Variants in MAGI2 observed in about 807,000 individuals in gnomAD.
MAGI2 encodes the protein membrane associated guanylate kinase, WW and PDZ domain containing 2, also known as membrane-associated guanylate kinase, WW and PDZ domain-containing protein 2.
A neutral mutation model predicts 133.3 loss-of-function variants in MAGI2; 35 were observed. The observed-to-expected ratio is 0.26, with a 90% confidence interval of 0.20 to 0.35. The LOEUF (loss-of-function observed/expected upper bound fraction) is 0.35. MAGI2 is among the 10% of genes least tolerant of loss of function. The pLI is 1.00. For missense variants in MAGI2, 1,636 were observed against 1,863.4 expected (o/e 0.88, Z 2.25); for synonymous variants, 729 against 710.6 (o/e 1.03, Z -0.41).
chr7:78,759,248 C>T (rs1824254074), intron 2 of MAGI2, among the ~76,000 whole-genome samples: 1 of 152,050 alleles, frequency 6.6e-6, no homozygotes, highest in Admixed American at 6.6e-5. Flanking sequence ...TTTAATATTA[C>T]ACTAGAACTT....
chr7:78,820,446 A>T (rs1033103819), intron 2 of MAGI2, among the ~76,000 whole-genome samples: 2 of 152,132 alleles, frequency 1.3e-5, no homozygotes, highest in African/African-American at 2.4e-5. Context: ...GTCATAAATT[A>T]AAAAAGAGAG....
At chr7:79,004,340 T>A (rs750773976) in intron 2 of MAGI2, among the ~76,000 whole-genome samples, 18 of 152,120 alleles carry the variant, frequency 1.2e-4, no homozygotes, top group Non-Finnish European at 1.9e-4. Flanking sequence ...CTATGTTAAA[T>A]GAAACAAGCC....
At chr7:79,286,388 G>C (rs1836001237) in intron 1 of MAGI2, among the ~76,000 whole-genome samples, 1 of 152,012 alleles carries the variant, frequency 6.6e-6, no homozygotes, top group Non-Finnish European at 1.5e-5. Context: ...AAGTGCCCAG[G>C]TTCATTCATC....
At chr7:78,638,627 C>T (rs1809933188) in intron 2 of MAGI2, among the ~76,000 whole-genome samples, 1 of 152,042 alleles carries the variant, frequency 6.6e-6, no homozygotes, top group African/African-American at 2.4e-5. Flanking sequence ...ACAGGTATAA[C>T]ATACCTAACT....
At chr7:78,310,106 T>C (rs1398394435) in intron 9 of MAGI2, among the ~76,000 whole-genome samples, 4 of 151,816 alleles carry the variant, frequency 2.6e-5, no homozygotes, top group Non-Finnish European at 5.9e-5. Flanking sequence ...AATAAGTTTT[T>C]TATTTTATGC....
chr7:78,755,744 G>C (rs1277706435), intron 2 of MAGI2, among the ~76,000 whole-genome samples: 1 of 152,164 alleles, frequency 6.6e-6, no homozygotes, highest in Non-Finnish European at 1.5e-5. Flanking sequence ...CATATAGTTT[G>C]ATGTAAAATT....
At chr7:78,152,881 G>T (rs1424907484) in intron 16 of MAGI2, among the ~76,000 whole-genome samples, 2 of 152,304 alleles carry the variant, frequency 1.3e-5, no homozygotes, top group East Asian at 3.9e-4. Flanking sequence ...CATTTGTGTT[G>T]TTGAAGGAAT....
chr7:78,919,447 TA>T (rs1336027976), intron 2 of MAGI2, among the ~76,000 whole-genome samples: 2 of 152,106 alleles, frequency 1.3e-5, no homozygotes, highest in African/African-American at 4.8e-5. Context: ...TTGCTATCAA[TA>T]TTGCATGATG....
At chr7:79,009,581 C>T (rs1480634096) in intron 1 of MAGI2, among the ~76,000 whole-genome samples, 1 of 152,122 alleles carries the variant, frequency 6.6e-6, no homozygotes, top group African/African-American at 2.4e-5. Flanking sequence ...ATATTCCTCC[C>T]ATTATTCTTT....
intron 2 of MAGI2, among the ~76,000 whole-genome samples, chr7:78,974,415 A>G (rs1348305257): frequency 6.6e-6 from 1 of 151,944 alleles, no homozygotes; most frequent in Non-Finnish European, 1.5e-5. Context: ...GAAGTACAGT[A>G]TAATTCATGA....
At position 78,129,797 on chromosome 7, in the gene MAGI2, T is replaced by A. The variant is rs192753203; in HGVS notation, c.3204-2381A>T. On this transcript the variant is annotated intron_variant, in intron 18 of 21. Coordinates refer to ENST00000354212, the MANE Select transcript of MAGI2 (RefSeq NM_012301.4). Reference sequence around the variant, plus strand: ...CTAAAAATACAAAATTAGCCGGGCGTGGTGGCACATGCCTGTAATCCCAGC... The same window carrying A: ...CTAAAAATACAAAATTAGCCGGGCGAGGTGGCACATGCCTGTAATCCCAGC... 1.1e-3 allele frequency among the ~76,000 whole-genome samples: 165 copies of A among 151,754 alleles called. 1 individual carries two copies. The highest frequency in any genetic ancestry group is 3.6e-3 in the African/African-American group (150 of 41,402).
intron 6 of MAGI2, chr7:78,485,824 G>C (rs1792939585): frequency 6.6e-6 from 1 of 151,868 alleles, no homozygotes. Context: ...ATGACATCCA[G>C]CCCAGTAACA....
chr7:78,019,135 C>T lies in MAGI2; in HGVS notation c.*180G>A. 1.5e-6 allele frequency: 1 copy of T among 668,354 alleles called. No individual in the cohort carries two copies. Among genetic ancestry groups the T allele is most frequent in the Non-Finnish European group, 2.4e-6 (1 of 408,620 alleles). The allele number at this position is 668,354 out of a possible 1,614,324, so 41.4% of individuals were successfully genotyped here. A position where few individuals can be genotyped will look rare whatever the true frequency, so the allele number is the denominator to read the frequency against. ...GGGCTTTAGGATCAGTTTAGGTCTGCGCGTTGATGCGATGCCGCCCAAGCA... is the reference window on the plus strand; with the variant it reads ...GGGCTTTAGGATCAGTTTAGGTCTGTGCGTTGATGCGATGCCGCCCAAGCA... On this transcript the variant is annotated 3_prime_UTR_variant, in exon 22 of 22. Coordinates refer to ENST00000354212, the MANE Select transcript of MAGI2 (RefSeq NM_012301.4).
At chr7:78,070,584 GTATA>G (rs199808042) in intron 21 of MAGI2, among the ~76,000 whole-genome samples, 1 of 127,682 alleles carries the variant, frequency 7.8e-6, no homozygotes, top group Non-Finnish European at 1.7e-5. Flanking sequence ...GTATATATGT[GTATA>G]TATATGTGTA....
intron 2 of MAGI2, among the ~76,000 whole-genome samples, chr7:78,755,039 T>C (rs1358211793): frequency 6.6e-6 from 1 of 152,228 alleles, no homozygotes; most frequent in Non-Finnish European, 1.5e-5. Context: ...TCATATGCAC[T>C]GAAATTCAAC....
chr7:78,282,508 T>TAAAGCCAAGAATATTTA (rs1430055914), intron 9 of MAGI2, among the ~76,000 whole-genome samples: 4 of 151,954 alleles, frequency 2.6e-5, no homozygotes, highest in African/African-American at 4.8e-5. Context: ...GTGTAGCCCA[T>TAAAGCCAAGAATATTTA]AAAGCCAAGA....
intron 2 of MAGI2, among the ~76,000 whole-genome samples, chr7:78,782,388 C>G (rs751859255): frequency 2.0e-5 from 3 of 151,998 alleles, no homozygotes; most frequent in Admixed American, 6.6e-5. Context: ...AGAGTCAGTG[C>G]GGGGCAGGTG....
At chr7:78,755,798 T>C (rs1823887128) in intron 2 of MAGI2, among the ~76,000 whole-genome samples, 1 of 152,158 alleles carries the variant, frequency 6.6e-6, no homozygotes, top group Non-Finnish European at 1.5e-5. Context: ...ATAAGTATGT[T>C]CCCCTATAGA....
chr7:78,771,901 C>A (rs545932860), intron 2 of MAGI2, among the ~76,000 whole-genome samples: 2 of 152,018 alleles, frequency 1.3e-5, no homozygotes, highest in African/African-American at 2.4e-5. Flanking sequence ...ATAATTTTTC[C>A]CTTCTCTGTT....
Sources: allele counts gnomAD v4.1 joint callset (sites outside exome capture counted in the v4.1 genomes callset), GRCh38; gene constraint gnomAD v4.1.1; transcripts MANE v1.5; gene names NCBI Gene and HGNC (gene_info 2026-07-23, HGNC 2026-07-21).